Variants in LRMDA observed in about 807,000 individuals in gnomAD.
The protein encoded by LRMDA is leucine rich melanocyte differentiation associated, also known as leucine-rich melanocyte differentiation-associated protein.
LRMDA carries 18 observed loss-of-function variants against 29.8 expected under a neutral mutation model. That is an observed-to-expected ratio of 0.60 (90% CI 0.42 to 0.90). The LOEUF is 0.90. Among genes scored for constraint, LRMDA ranks in the 40% least tolerant of loss-of-function variants. The pLI, the probability that LRMDA is intolerant of heterozygous loss-of-function variation, is 0.00. For missense variants in LRMDA, 273 were observed against 273.9 expected (o/e 1.00, Z 0.02); for synonymous variants, 125 against 109.4 (o/e 1.14, Z -0.89).
At chr10:76,253,063 A>G (rs776875337) in intron 5 of LRMDA, among the ~76,000 whole-genome samples, 9 of 152,170 alleles carry the variant, frequency 5.9e-5, no homozygotes, top group Middle Eastern at 3.2e-3. Flanking sequence ...CTCAGAGTCA[A>G]CCAGTGCTTT....
chr10:76,272,865 T>G (rs1206644309), intron 5 of LRMDA, among the ~76,000 whole-genome samples: 1 of 152,142 alleles, frequency 6.6e-6, no homozygotes, highest in African/African-American at 2.4e-5. Context: ...CAAAAACTTT[T>G]AAATCCATCA....
chr10:76,429,576 A>AT (rs1195232829), intron 6 of LRMDA, among the ~76,000 whole-genome samples: 1 of 151,412 alleles, frequency 6.6e-6, no homozygotes, highest in Non-Finnish European at 1.5e-5. Context: ...CGTTTCATTA[A>AT]AAAAAAAATT....
chr10:75,671,183 T>G (rs1447744050), intron 2 of LRMDA, among the ~76,000 whole-genome samples: 1 of 152,140 alleles, frequency 6.6e-6, no homozygotes, highest in Non-Finnish European at 1.5e-5. Flanking sequence ...AAGTCTAAAT[T>G]TATTATGGGA....
At chr10:75,530,343 A>T (rs1240588468) in intron 2 of LRMDA, among the ~76,000 whole-genome samples, 2 of 152,192 alleles carry the variant, frequency 1.3e-5, no homozygotes, top group Non-Finnish European at 2.9e-5. Context: ...AGTAATGCTC[A>T]CAGTGACTCT....
At chr10:75,919,967 T>G (rs1185072967) in intron 2 of LRMDA, among the ~76,000 whole-genome samples, 1 of 152,170 alleles carries the variant, frequency 6.6e-6, no homozygotes, top group Non-Finnish European at 1.5e-5. Flanking sequence ...CTCTCCTCTC[T>G]ACTCTTTCTT....
chr10:75,762,263 T>A (rs1277186347), intron 2 of LRMDA, among the ~76,000 whole-genome samples: 1 of 152,248 alleles, frequency 6.6e-6, no homozygotes, highest in Non-Finnish European at 1.5e-5. Context: ...ATCAATCCTG[T>A]CCAACTCACA....
At chr10:75,631,406 C>A (rs922065346) in intron 2 of LRMDA, among the ~76,000 whole-genome samples, 1 of 151,988 alleles carries the variant, frequency 6.6e-6, no homozygotes, top group Non-Finnish European at 1.5e-5. Context: ...TCACTGCACC[C>A]CCCCCGCCCC....
rs539016545 is a variant in LRMDA at position 76,505,921 on chromosome 10, T to A, written c.602-51288T>A. Among the ~76,000 whole-genome samples the A allele has an allele frequency of 1.1e-4, 16 of 152,264 alleles. No individual in the cohort carries two copies. In the South Asian group the frequency reaches 2.1e-3, roughly 20 times the overall value. On this transcript the variant is annotated intron_variant, in intron 6 of 6. Coordinates refer to ENST00000611255, the MANE Select transcript of LRMDA (RefSeq NM_001305581.2). ...CTTTAGCTGTAGCATAAGTTGAGTA[T>A]AATCAATTGGCTTTGTTTCTGGGCG...
At chr10:75,981,646 G>A (rs1847172220) in intron 2 of LRMDA, among the ~76,000 whole-genome samples, 1 of 152,150 alleles carries the variant, frequency 6.6e-6, no homozygotes, top group African/African-American at 2.4e-5. Context: ...GAGGTCAAGA[G>A]ATCGAGACCA....
At chr10:76,438,884 T>A (rs191781470) in intron 6 of LRMDA, 11 of 152,332 alleles carry the variant, frequency 7.2e-5, no homozygotes, top group Non-Finnish European at 1.5e-4. Context: ...CTCTTTTTTT[T>A]AATAAAGTTT....
chr10:76,335,203 A>G (rs1840952606), intron 6 of LRMDA, among the ~76,000 whole-genome samples: 1 of 152,254 alleles, frequency 6.6e-6, no homozygotes. Flanking sequence ...CCTTTGCAAG[A>G]CATAGCTAGG....
intron 2 of LRMDA, among the ~76,000 whole-genome samples, chr10:75,964,502 T>C (rs1846822600): frequency 6.6e-6 from 1 of 152,266 alleles, no homozygotes; most frequent in African/African-American, 2.4e-5. Flanking sequence ...CATAGCCTTA[T>C]GTTTTGTTTC....
At chr10:75,715,411 G>C (rs1039192850) in intron 2 of LRMDA, among the ~76,000 whole-genome samples, 2 of 152,018 alleles carry the variant, frequency 1.3e-5, no homozygotes, top group African/African-American at 2.4e-5. Context: ...CCTACCAGAA[G>C]GTCCCACCAC....
chr10:76,487,333 G>A (rs769056899), intron 6 of LRMDA, among the ~76,000 whole-genome samples: 1 of 151,876 alleles, frequency 6.6e-6, no homozygotes, highest in African/African-American at 2.4e-5. Context: ...GATATCAGGG[G>A]CTTGAAGTTG....
At chr10:75,740,932 G>A (rs1842821300) in intron 2 of LRMDA, among the ~76,000 whole-genome samples, 1 of 151,830 alleles carries the variant, frequency 6.6e-6, no homozygotes, top group African/African-American at 2.4e-5. Flanking sequence ...TATATATATG[G>A]AATTTATGTT....
intron 2 of LRMDA, among the ~76,000 whole-genome samples, chr10:75,852,318 T>G (rs1330135939): frequency 6.6e-6 from 1 of 152,174 alleles, no homozygotes; most frequent in African/African-American, 2.4e-5. Flanking sequence ...ATATATTAGG[T>G]ATGAAGTGAC....
intron 2 of LRMDA, among the ~76,000 whole-genome samples, chr10:75,630,086 T>G (rs1447243691): frequency 1.3e-5 from 2 of 152,240 alleles, no homozygotes; most frequent in African/African-American, 2.4e-5. Context: ...CTTTTTCATT[T>G]TTATATCCCA....
chr10:76,396,180 G>C (rs1589165063), intron 6 of LRMDA, among the ~76,000 whole-genome samples: 1 of 152,170 alleles, frequency 6.6e-6, no homozygotes, highest in East Asian at 1.9e-4. Flanking sequence ...TGTGTCAGAT[G>C]ATACAAACTA....
chr10:76,077,194 G>A (rs1290806837), intron 5 of LRMDA, among the ~76,000 whole-genome samples: 1 of 152,210 alleles, frequency 6.6e-6, no homozygotes, highest in Non-Finnish European at 1.5e-5. Context: ...ACATATTCAT[G>A]TCCTGGTTCT....
Sources: gnomAD v4.1 joint callset for allele counts (sites outside exome capture counted in the v4.1 genomes callset) on GRCh38, gnomAD v4.1.1 for gene constraint, MANE v1.5 for transcripts, NCBI Gene and HGNC (gene_info 2026-07-23, HGNC 2026-07-21) for gene names.